The following CCDC102B variants were observed in gnomAD, a reference collection of about 807,000 sequenced individuals.
CCDC102B encodes coiled-coil domain containing 102B, also known as coiled-coil domain-containing protein 102B.
CCDC102B carries 75 observed loss-of-function variants against 57.4 expected under a neutral mutation model. The ratio of observed to expected loss-of-function variants is 1.31; its 90% confidence interval spans 1.08 to 1.58. CCDC102B has a LOEUF of 1.58. Ranked by LOEUF, CCDC102B falls within the 40% of genes most tolerant of loss-of-function variation. The pLI is 0.00. For synonymous variants in CCDC102B, 206 were observed against 201.9 expected, an observed-to-expected ratio of 1.02 and a Z score of -0.17; for missense variants, 636 against 582.6, an observed-to-expected ratio of 1.09 and a Z score of -0.94.
intron 4 of CCDC102B, among the ~76,000 whole-genome samples, chr18:68,850,546 AGGT>A (rs1307130324): frequency 6.6e-6 from 1 of 152,054 alleles, no homozygotes; most frequent in Non-Finnish European, 1.5e-5. Flanking sequence ...TCTTCCTTCT[AGGT>A]GGTTGAAGGG....
intron 1 of CCDC102B, among the ~76,000 whole-genome samples, chr18:68,800,127 T>C (rs1183710790): frequency 6.6e-6 from 1 of 152,170 alleles, no homozygotes; most frequent in Non-Finnish European, 1.5e-5. Flanking sequence ...ATTATTTTCA[T>C]TTTGCACTTG....
At chr18:69,033,055 A>G (rs1352561471) in intron 7 of CCDC102B, among the ~76,000 whole-genome samples, 2 of 152,274 alleles carry the variant, frequency 1.3e-5, no homozygotes, top group African/African-American at 2.4e-5. Flanking sequence ...ATTTTTAAAG[A>G]TTTTAAAAGT....
chr18:68,953,103 A>G (rs575275298), intron 6 of CCDC102B, among the ~76,000 whole-genome samples: 9 of 152,146 alleles, frequency 5.9e-5, no homozygotes, highest in Non-Finnish European at 1.2e-4. Context: ...ACAATACTGA[A>G]AAGAGTCTCA....
intron 6 of CCDC102B, among the ~76,000 whole-genome samples, chr18:68,936,011 G>A (rs1200205742): frequency 6.6e-6 from 1 of 151,946 alleles, no homozygotes; most frequent in Non-Finnish European, 1.5e-5. Flanking sequence ...AAAATATGCA[G>A]TGTTTCCAGC....
intron 6 of CCDC102B, among the ~76,000 whole-genome samples, chr18:68,949,296 A>G (rs2049629059): frequency 1.3e-5 from 2 of 152,144 alleles, no homozygotes; most frequent in African/African-American, 4.8e-5. Context: ...AGCTGGTGAA[A>G]GTTAAAATAA....
intron 6 of CCDC102B, among the ~76,000 whole-genome samples, chr18:68,974,815 A>C (rs2050390908): frequency 6.6e-6 from 1 of 151,936 alleles, no homozygotes; most frequent in Non-Finnish European, 1.5e-5. Context: ...GGAACATAGA[A>C]AAATAAGATT....
At chr18:69,040,084 T>G (rs73967780) in intron 7 of CCDC102B, among the ~76,000 whole-genome samples, 16,317 of 151,906 alleles carry the variant, frequency 0.11, 1,783 homozygotes, top group African/African-American at 0.27. Flanking sequence ...AAGGTACCCT[T>G]ATTTAACAGA....
chr18:68,969,639 A>G (rs913798188), intron 6 of CCDC102B, among the ~76,000 whole-genome samples: 16 of 152,000 alleles, frequency 1.1e-4, no homozygotes, highest in African/African-American at 3.6e-4. Flanking sequence ...GTGATAAAAC[A>G]TATGCCACAA....
intron 2 of CCDC102B, among the ~76,000 whole-genome samples, chr18:68,747,099 T>G (rs1164748055): frequency 6.6e-6 from 1 of 152,080 alleles, no homozygotes; most frequent in Non-Finnish European, 1.5e-5. Context: ...CAAAATTCTC[T>G]CTTCTGGCTG....
intron 2 of CCDC102B, among the ~76,000 whole-genome samples, chr18:68,741,618 G>A (rs1190480494): frequency 2.0e-5 from 3 of 149,912 alleles, no homozygotes; most frequent in African/African-American, 7.4e-5. Flanking sequence ...TTATCCTGAA[G>A]AAAAGAAAAG....
chr18:68,867,803 G>A (rs1216068226), intron 4 of CCDC102B, among the ~76,000 whole-genome samples: 1 of 130,142 alleles, frequency 7.7e-6, no homozygotes, highest in Admixed American at 7.7e-5. Flanking sequence ...GAGTGGTGGC[G>A]GGCGCCTGTA....
chr18:68,920,623 G>T (rs753594222), intron 6 of CCDC102B, among the ~76,000 whole-genome samples: 18 of 152,024 alleles, frequency 1.2e-4, no homozygotes, highest in Non-Finnish European at 2.1e-4. Flanking sequence ...ATTTATAAAA[G>T]AAAAAGATTT....
chr18:69,028,356 G>A (rs1007155053), intron 7 of CCDC102B, among the ~76,000 whole-genome samples: 37 of 152,310 alleles, frequency 2.4e-4, no homozygotes, highest in Middle Eastern at 3.4e-3. Context: ...GCTGAAATGC[G>A]TCTGAATGTG....
intron 6 of CCDC102B, among the ~76,000 whole-genome samples, chr18:68,904,258 GGA>G (rs1224419761): frequency 1.3e-5 from 2 of 152,062 alleles, no homozygotes; most frequent in Non-Finnish European, 2.9e-5. Flanking sequence ...ACGTTATTAT[GGA>G]GAGGTTTTGA....
intron 6 of CCDC102B, among the ~76,000 whole-genome samples, chr18:68,955,711 G>C (rs2049825772): frequency 6.6e-6 from 1 of 151,674 alleles, no homozygotes; most frequent in Non-Finnish European, 1.5e-5. Context: ...GCTGATGAAA[G>C]AAAGCCTTTA....
chr18:68,921,601 TA>T (rs1418617215), intron 6 of CCDC102B, among the ~76,000 whole-genome samples: 2 of 152,170 alleles, frequency 1.3e-5, no homozygotes, highest in Non-Finnish European at 2.9e-5. Context: ...GGCAGTAGAA[TA>T]AGCAGGACTT....
intron 6 of CCDC102B, among the ~76,000 whole-genome samples, chr18:68,962,755 C>T (rs975798893): frequency 2.0e-5 from 3 of 151,982 alleles, no homozygotes; most frequent in Admixed American, 6.6e-5. Flanking sequence ...ATGTCTATAT[C>T]CATCACCTAA....
chr18:69,043,658 C>T (rs1306234458), intron 7 of CCDC102B, among the ~76,000 whole-genome samples: 2 of 152,110 alleles, frequency 1.3e-5, no homozygotes, highest in Non-Finnish European at 2.9e-5. Context: ...GAGTTTGACA[C>T]AGCACATGTT....
At chr18:68,843,771 T>A (rs1340610636) in intron 3 of CCDC102B, among the ~76,000 whole-genome samples, 1 of 152,044 alleles carries the variant, frequency 6.6e-6, no homozygotes, top group Non-Finnish European at 1.5e-5. Flanking sequence ...GCTCAAATAC[T>A]CTGACAATAA....
Sources: allele counts gnomAD v4.1 joint callset (sites outside exome capture counted in the v4.1 genomes callset), GRCh38; gene constraint gnomAD v4.1.1; transcripts MANE v1.5; gene names NCBI Gene and HGNC (gene_info 2026-07-23, HGNC 2026-07-21).